Variants in GYPB observed in about 807,000 individuals in gnomAD.
GYPB encodes glycophorin B (MNS blood group).
A neutral mutation model predicts 15.3 loss-of-function variants in GYPB; 13 were observed. The observed-to-expected ratio is 0.85, with a 90% CI of 0.55 to 1.35. The LOEUF (loss-of-function observed/expected upper bound fraction) is 1.35. GYPB is among the 40% of genes most tolerant of loss of function. GYPB has a pLI of 0.00. For synonymous variants in GYPB, 38 were observed against 36.9 expected, an observed-to-expected ratio of 1.03 and a Z score of -0.11; for missense variants, 131 against 108.3, an observed-to-expected ratio of 1.21 and a Z score of -0.93.
intron 1 of GYPB, among the ~76,000 whole-genome samples, chr4:144,010,151 G>T (rs1393297904): frequency 3.3e-5 from 5 of 151,170 alleles, no homozygotes; most frequent in Admixed American, 3.3e-4. Flanking sequence ...AGTCCAGTGG[G>T]TTGTCACTGG....
intron 1 of GYPB, among the ~76,000 whole-genome samples, chr4:144,015,769 G>A (rs1728455104): frequency 6.6e-6 from 1 of 151,134 alleles, no homozygotes; most frequent in East Asian, 1.9e-4. Flanking sequence ...TACAGGTTTG[G>A]CAGCTAGTCC....
chr4:144,011,870 CTTT>C (rs1449282011), intron 1 of GYPB, among the ~76,000 whole-genome samples: 1 of 151,134 alleles, frequency 6.6e-6, no homozygotes, highest in Non-Finnish European at 1.5e-5. Flanking sequence ...AAGGGGAGAA[CTTT>C]TGTGGTCTTT....
At chr4:144,009,782 T>G (rs962113426) in intron 1 of GYPB, among the ~76,000 whole-genome samples, 4 of 149,892 alleles carry the variant, frequency 2.7e-5, no homozygotes, top group Admixed American at 2.0e-4. Context: ...CCCGGCTAAT[T>G]TTTTGTATTT....
intron 1 of GYPB, among the ~76,000 whole-genome samples, chr4:144,009,431 T>C (rs1284888748): frequency 1.3e-5 from 2 of 150,250 alleles, no homozygotes; most frequent in Non-Finnish European, 3.0e-5. Flanking sequence ...TTGTGGACCA[T>C]CTATTACAAA....
chr4:144,005,626 G>T (rs943128029), intron 1 of GYPB, among the ~76,000 whole-genome samples: 2 of 151,480 alleles, frequency 1.3e-5, no homozygotes, highest in African/African-American at 4.9e-5. Context: ...ACATCTTCTG[G>T]CAGGAACACA....
At position 144,016,683 on chromosome 4, in the gene GYPB, G is replaced by T. The variant is rs188316583; in HGVS notation, c.37+2568C>A. On this transcript the variant is annotated intron_variant, in intron 1 of 4. Coordinates refer to ENST00000502664, the MANE Select transcript of GYPB (RefSeq NM_002100.6). ...CACAAAAAGCTTTTGGAGACTCCTG[G>T]TTTATGCCATAATTTCCTAGTTGAA... The T allele has an allele frequency of 1.7e-3, 586 of 338,010 alleles. 27 individuals are homozygous for T. The highest frequency in any genetic ancestry group is 0.012 in the African/African-American group (536 of 45,486). 20.9% of individuals were successfully genotyped at this position (338,010 alleles called of 1,614,324 possible). A position where few individuals can be genotyped will look rare whatever the true frequency, so the allele number is the denominator to read the frequency against.
At chr4:144,011,945 A>G (rs1463593604) in intron 1 of GYPB, among the ~76,000 whole-genome samples, 2 of 152,048 alleles carry the variant, frequency 1.3e-5, no homozygotes, top group South Asian at 2.1e-4. Context: ...AAATAGCTGT[A>G]CTATTCATGT....
intron 1 of GYPB, among the ~76,000 whole-genome samples, chr4:144,009,742 T>G (rs953540328): frequency 2.0e-5 from 3 of 148,236 alleles, no homozygotes; most frequent in African/African-American, 7.7e-5. Context: ...GCCTCCCAAG[T>G]AGCTGGGACT....
chr4:143,996,338 C>T, intron 4 of GYPB, 34 bp from the exon 5 acceptor site: 1 of 1,550,208 alleles, frequency 6.5e-7, no homozygotes, highest in Middle Eastern at 1.7e-4. Context: ...TCCACTTCAG[C>T]CTCTGCTTGA....
At chr4:144,016,034 G>T (rs1331478405) in intron 1 of GYPB, among the ~76,000 whole-genome samples, 56 of 148,752 alleles carry the variant, frequency 3.8e-4, no homozygotes, top group Middle Eastern at 3.2e-3. Flanking sequence ...ACACAGGTTT[G>T]GCTTTTCAAG....
At position 144,010,565 on chromosome 4, in the gene GYPB, AGT is replaced by A. The variant is rs922315101; in HGVS notation, c.37+8684_37+8685del. Among the ~76,000 whole-genome samples, 5 of 151,360 alleles carry A rather than the reference AGT, an allele frequency of 3.3e-5. 1 individual carries two copies. Among genetic ancestry groups the A allele is most frequent in the African/African-American group, 1.2e-4 (5 of 40,682 alleles). ...ATTTTGTGGAATTTTATTTCAGACA[AGT>A]GTGTGTGTGAGTCTGTGTGCTGTGA... On this transcript the variant is annotated intron_variant, in intron 1 of 4. Transcript: ENST00000502664.
intron 4 of GYPB, among the ~76,000 whole-genome samples, chr4:143,996,941 C>T (rs2149954266): frequency 6.6e-6 from 1 of 151,050 alleles, no homozygotes; most frequent in Middle Eastern, 3.4e-3. Flanking sequence ...TGGTCTCACT[C>T]TGTTGCCCAG....
At chr4:144,011,614 A>G (rs1435736581) in intron 1 of GYPB, among the ~76,000 whole-genome samples, 1 of 151,210 alleles carries the variant, frequency 6.6e-6, no homozygotes, top group Non-Finnish European at 1.5e-5. Flanking sequence ...CCATTGAGAA[A>G]TTTTAAGTTT....
In GYPB at chr4:143,997,739, A is replaced by G. The variant is rs142493097; in HGVS notation, c.176-105T>C. The G allele has an allele frequency of 2.7e-3, 1,907 of 710,718 alleles. 133 individuals carry two copies. In the African/African-American group the frequency reaches 0.031, roughly 12 times the overall value. 44.0% of individuals were successfully genotyped at this position (710,718 alleles called of 1,614,324 possible). A position where few individuals can be genotyped will look rare whatever the true frequency, so the allele number is the denominator to read the frequency against. On this transcript the variant is annotated intron_variant, in intron 3 of 4. Transcript: ENST00000502664. Reference sequence around the variant, plus strand: ...ATAACATCACCTTGCCTTTTAATACAAAGTACAGTTAACATACTATTATGT... The same window carrying G: ...ATAACATCACCTTGCCTTTTAATACGAAGTACAGTTAACATACTATTATGT...
intron 3 of GYPB, among the ~76,000 whole-genome samples, chr4:143,999,042 T>C (rs1448506878): frequency 3.3e-5 from 5 of 151,070 alleles, no homozygotes; most frequent in Admixed American, 6.6e-5. Flanking sequence ...TCCCAAGCAG[T>C]TGAGACTACA....
At chr4:144,001,553 A>G (rs1220316652) in intron 1 of GYPB, among the ~76,000 whole-genome samples, 29 of 151,464 alleles carry the variant, frequency 1.9e-4, no homozygotes, top group South Asian at 2.1e-4. Flanking sequence ...TCATCTGTAC[A>G]ATAGTAATAC....
chr4:144,012,958 T>C (rs912767011), intron 1 of GYPB, among the ~76,000 whole-genome samples: 1 of 151,554 alleles, frequency 6.6e-6, no homozygotes, highest in African/African-American at 2.4e-5. Flanking sequence ...AAATTGGACT[T>C]GAAAATGAAA....
chr4:144,017,192 G>T (rs1372934528), intron 1 of GYPB, among the ~76,000 whole-genome samples: 4 of 150,732 alleles, frequency 2.7e-5, no homozygotes, highest in African/African-American at 9.9e-5. Context: ...AATGAGTGCA[G>T]GAATTCAGGG....
At chr4:143,999,196 A>C in intron 3 of GYPB, 1 of 440,990 alleles carries the variant, frequency 2.3e-6, no homozygotes, top group Non-Finnish European at 4.1e-6. Context: ...GGCATGAGCC[A>C]CGGCCCCTGG....
Sources: allele counts gnomAD v4.1 joint callset (sites outside exome capture counted in the v4.1 genomes callset), GRCh38; gene constraint gnomAD v4.1.1; transcripts MANE v1.5; gene names NCBI Gene and HGNC (gene_info 2026-07-23, HGNC 2026-07-21).